The following L3MBTL3 variants were observed in gnomAD, a reference collection of about 807,000 sequenced individuals.
L3MBTL3 encodes lethal(3)malignant brain tumor-like protein 3.
L3MBTL3 carries 27 observed loss-of-function variants against 102.3 expected under a neutral mutation model. The observed-to-expected ratio is 0.26, with a 90% CI of 0.19 to 0.36. The LOEUF (loss-of-function observed/expected upper bound fraction) is 0.36. Among genes scored for constraint, L3MBTL3 ranks in the 10% least tolerant of loss-of-function variants. The pLI is 1.00. For missense variants in L3MBTL3, 798 were observed against 955.3 expected (o/e 0.84, Z 2.17); for synonymous variants, 340 against 320.9 (o/e 1.06, Z -0.64).
intron 13 of L3MBTL3, 85 bp from the exon 14 acceptor site, chr6:130,078,473 C>CATG: frequency 1.1e-6 from 1 of 906,162 alleles, no homozygotes. Context: ...GTAAAGTGCT[C>CATG]ATGATCTCTA....
At chr6:130,100,274 C>T (rs1221136986) in intron 18 of L3MBTL3, among the ~76,000 whole-genome samples, 5 of 152,166 alleles carry the variant, frequency 3.3e-5, no homozygotes, top group Admixed American at 3.3e-4. Context: ...CCTGTGCTTG[C>T]TCATTATTGA....
At chr6:130,104,906 A>G (rs183251315) in intron 19 of L3MBTL3, among the ~76,000 whole-genome samples, 43 of 152,312 alleles carry the variant, frequency 2.8e-4, no homozygotes, top group African/African-American at 9.9e-4. Flanking sequence ...CAATACTTAC[A>G]TAGAGTCAAC....
intron 8 of L3MBTL3, among the ~76,000 whole-genome samples, chr6:130,055,627 CCTCCCTCCCTCCCTCCCT>C (rs1781439094): frequency 3.4e-5 from 2 of 59,550 alleles, no homozygotes; most frequent in Admixed American, 1.7e-4. Context: ...TCCCTGTCTC[CCTCCCTCCCTCCCTCCCT>C]CTCTCTCCCT....
chr6:130,053,867 A>C (rs989129789), intron 7 of L3MBTL3, among the ~76,000 whole-genome samples: 10 of 152,202 alleles, frequency 6.6e-5, no homozygotes, highest in Admixed American at 4.6e-4. Context: ...GGAGCTGAGA[A>C]TACAGGGATG....
chr6:130,053,920 A>G (rs1263482349), intron 7 of L3MBTL3, among the ~76,000 whole-genome samples: 1 of 152,226 alleles, frequency 6.6e-6, no homozygotes, highest in Non-Finnish European at 1.5e-5. Flanking sequence ...TGGCAGAGAC[A>G]CTGCATTCTT....
chr6:130,023,044 T>A (rs1483746534), intron 2 of L3MBTL3, among the ~76,000 whole-genome samples: 1 of 152,178 alleles, frequency 6.6e-6, no homozygotes, highest in Non-Finnish European at 1.5e-5. Context: ...CTCCAGTGCT[T>A]TCTACTGTTT....
chr6:130,042,079 C>T (rs1437102786), intron 2 of L3MBTL3, among the ~76,000 whole-genome samples: 1 of 152,128 alleles, frequency 6.6e-6, no homozygotes, highest in African/African-American at 2.4e-5. Flanking sequence ...TCTCATGTTA[C>T]AAAGACAACA....
intron 3 of L3MBTL3, among the ~76,000 whole-genome samples, chr6:130,048,904 A>G (rs1385347272): frequency 6.6e-6 from 1 of 152,032 alleles, no homozygotes; most frequent in Non-Finnish European, 1.5e-5. Context: ...ATTTTTAAAT[A>G]AAAAATACGA....
chr6:130,079,704 T>C (rs573717467), intron 14 of L3MBTL3, among the ~76,000 whole-genome samples: 2 of 152,250 alleles, frequency 1.3e-5, no homozygotes, highest in South Asian at 2.1e-4. Flanking sequence ...AGCTGCAAGA[T>C]TGGAGAGCTT....
intron 19 of L3MBTL3, among the ~76,000 whole-genome samples, chr6:130,109,294 AATG>A (rs1333054070): frequency 2.0e-5 from 3 of 152,158 alleles, no homozygotes; most frequent in African/African-American, 7.2e-5. Flanking sequence ...TGTCTTCTAT[AATG>A]ATTGAGCTAA....
At chr6:130,114,250 A>T (rs1328938672) in intron 19 of L3MBTL3, among the ~76,000 whole-genome samples, 1 of 152,234 alleles carries the variant, frequency 6.6e-6, no homozygotes, top group Non-Finnish European at 1.5e-5. Flanking sequence ...CAAGGCAGCC[A>T]TTCAAAGTGC....
rs1424504863 is a variant in L3MBTL3 at position 130,026,373 on chromosome 6, A to G, written c.-16+4068A>G. Among the ~76,000 whole-genome samples, 16 of 152,078 alleles carry G rather than the reference A, an allele frequency of 1.1e-4. 1 individual carries two copies. Among genetic ancestry groups the G allele is most frequent in the Admixed American group, 1.0e-3 (16 of 15,272 alleles). On this transcript the variant is annotated intron_variant, in intron 2 of 22. Transcript: ENST00000361794. ...TAACTTGTTCATATCATGCAGTTTG[A>G]AAGGGGTGGAATCAGGGAAAATGAT...
chr6:130,033,423 C>T (rs1439188316), intron 2 of L3MBTL3, among the ~76,000 whole-genome samples: 4 of 152,180 alleles, frequency 2.6e-5, no homozygotes, highest in Non-Finnish European at 2.9e-5. Flanking sequence ...ATATAGTAGG[C>T]ATCATAGCAA....
intron 2 of L3MBTL3, among the ~76,000 whole-genome samples, chr6:130,032,582 T>C (rs905741093): frequency 6.6e-6 from 1 of 152,246 alleles, no homozygotes; most frequent in African/African-American, 2.4e-5. Context: ...TACTATCTGG[T>C]AAGTACTATG....
intron 2 of L3MBTL3, among the ~76,000 whole-genome samples, chr6:130,037,603 CA>C (rs1248852664): frequency 2.0e-5 from 3 of 152,030 alleles, no homozygotes; most frequent in African/African-American, 7.2e-5. Context: ...TTTGAGGCTG[CA>C]GTCTTAATGG....
intron 7 of L3MBTL3, 86 bp downstream of exon 7, chr6:130,053,077 C>T: frequency 1.9e-6 from 2 of 1,059,156 alleles, no homozygotes; most frequent in Non-Finnish European, 2.9e-6. Flanking sequence ...CTGGAGCCCA[C>T]TGAGTTCAAA....
In L3MBTL3 at chr6:130,060,212, C is replaced by T. The variant is rs528411375; in HGVS notation, c.864+72C>T. On this transcript the variant is annotated intron_variant, in intron 10 of 22. Transcript: ENST00000361794. Reference sequence around the variant, plus strand: ...GGGGATTTAAAATGAGGAAAAACTGCCATTGGTTGTATTTCATGCCAGGCA... The same window carrying T: ...GGGGATTTAAAATGAGGAAAAACTGTCATTGGTTGTATTTCATGCCAGGCA... The T allele has an allele frequency of 1.6e-5, 14 of 858,850 alleles. No homozygotes were observed. The East Asian group carries it at 3.6e-4, about 22-fold the overall frequency. The allele number at this position is 858,850 out of a possible 1,614,324, so 53.2% of individuals were successfully genotyped here.
intron 16 of L3MBTL3, among the ~76,000 whole-genome samples, chr6:130,091,209 A>G (rs1784025409): frequency 6.6e-6 from 1 of 152,196 alleles, no homozygotes; most frequent in African/African-American, 2.4e-5. Flanking sequence ...GTGATTACAA[A>G]TAAGTTCATT....
chr6:130,042,942 A>G lies in L3MBTL3; in HGVS notation c.102+141A>G, dbSNP rs79364477. ...TTTAGATGATGCTTAGACCTCCACAATAAATTTGCAAGACAATTTGAAATG... is the reference window on the plus strand; with the variant it reads ...TTTAGATGATGCTTAGACCTCCACAGTAAATTTGCAAGACAATTTGAAATG... On this transcript the variant is annotated intron_variant, in intron 3 of 22. Coordinates refer to ENST00000361794, the MANE Select transcript of L3MBTL3 (RefSeq NM_032438.4). 9,502 of 534,970 alleles carry G rather than the reference A, an allele frequency of 0.018. 158 individuals are homozygous for G. The highest frequency in any genetic ancestry group is 0.071 in the Middle Eastern group (249 of 3,486). 33.1% of individuals were successfully genotyped at this position (534,970 alleles called of 1,614,324 possible).
Sources: allele counts gnomAD v4.1 joint callset (sites outside exome capture counted in the v4.1 genomes callset), GRCh38; gene constraint gnomAD v4.1.1; transcripts MANE v1.5; gene names NCBI Gene and HGNC (gene_info 2026-07-23, HGNC 2026-07-21).